Variants in SLX4IP observed in about 807,000 individuals in gnomAD.
SLX4IP encodes protein SLX4IP.
A neutral mutation model predicts 32.9 loss-of-function variants in SLX4IP; 34 were observed. The ratio of observed to expected loss-of-function variants is 1.03; its 90% CI spans 0.79 to 1.38. The LOEUF is 1.38. Among genes scored for constraint, SLX4IP ranks in the 40% most tolerant of loss-of-function variants. The pLI is 0.00. For missense variants in SLX4IP, 444 were observed against 479.0 expected (o/e 0.93, Z 0.68); for synonymous variants, 172 against 171.7 (o/e 1.00, Z -0.01).
intron 2 of SLX4IP, among the ~76,000 whole-genome samples, chr20:10,540,370 C>T (rs1320102470): frequency 1.3e-4 from 20 of 152,074 alleles, no homozygotes. Flanking sequence ...TCCTGAGAAT[C>T]AAGGGTGTGT....
At chr20:10,476,238 C>CT (rs1279568956) in intron 2 of SLX4IP, among the ~76,000 whole-genome samples, 2 of 152,196 alleles carry the variant, frequency 1.3e-5, no homozygotes, top group African/African-American at 4.8e-5. Flanking sequence ...TTCTACTAAA[C>CT]TTTTTTGAAT....
chr20:10,506,272 G>A (rs755330783), intron 2 of SLX4IP, among the ~76,000 whole-genome samples: 3 of 152,200 alleles, frequency 2.0e-5, no homozygotes, highest in Non-Finnish European at 4.4e-5. Context: ...TTTGCATCGC[G>A]ATTATGCTAG....
intron 4 of SLX4IP, among the ~76,000 whole-genome samples, chr20:10,561,056 A>G (rs1362450528): frequency 1.3e-5 from 2 of 152,206 alleles, no homozygotes; most frequent in African/African-American, 4.8e-5. Flanking sequence ...GAAACTGTAA[A>G]TTGTTTAAAG....
chr20:10,461,952 T>TA (rs2065341660), intron 2 of SLX4IP, among the ~76,000 whole-genome samples: 1 of 152,128 alleles, frequency 6.6e-6, no homozygotes, highest in Non-Finnish European at 1.5e-5. Context: ...TAATTTTTTT[T>TA]ATTTTTAAAT....
At chr20:10,522,015 G>A (rs1316972494) in intron 2 of SLX4IP, among the ~76,000 whole-genome samples, 12 of 151,766 alleles carry the variant, frequency 7.9e-5, no homozygotes, top group Admixed American at 7.9e-4. Flanking sequence ...ACATTAGTCA[G>A]CATCACATAG....
chr20:10,536,803 GACCATGGA>G, intron 2 of SLX4IP, among the ~76,000 whole-genome samples: 1 of 152,356 alleles, frequency 6.6e-6, no homozygotes, highest in Non-Finnish European at 1.5e-5. Flanking sequence ...TGTATACTCA[GACCATGGA>G]ACCATGTGAG....
intron 2 of SLX4IP, among the ~76,000 whole-genome samples, chr20:10,504,628 A>G (rs924330877): frequency 3.3e-5 from 5 of 152,148 alleles, no homozygotes; most frequent in Admixed American, 6.5e-5. Flanking sequence ...TCCTTGCAGC[A>G]CAGAAGACCA....
intron 2 of SLX4IP, among the ~76,000 whole-genome samples, chr20:10,475,576 C>T (rs1464211325): frequency 6.6e-6 from 1 of 152,180 alleles, no homozygotes; most frequent in Non-Finnish European, 1.5e-5. Context: ...AAGTGGGATT[C>T]TGGTCTTTGC....
At chr20:10,468,195 T>A (rs1439352349) in intron 2 of SLX4IP, among the ~76,000 whole-genome samples, 1 of 152,186 alleles carries the variant, frequency 6.6e-6, no homozygotes, top group Non-Finnish European at 1.5e-5. Context: ...CCTTCATTCT[T>A]TAGTCACTTA....
intron 6 of SLX4IP, among the ~76,000 whole-genome samples, chr20:10,607,181 G>C (rs936080664): frequency 1.3e-5 from 2 of 152,186 alleles, no homozygotes; most frequent in Admixed American, 1.3e-4. Context: ...AGCTGTGTCT[G>C]CCTCTGCCAC....
intron 2 of SLX4IP, among the ~76,000 whole-genome samples, chr20:10,495,841 G>A (rs2065662767): frequency 1.3e-5 from 2 of 151,650 alleles, no homozygotes; most frequent in African/African-American, 2.4e-5. Context: ...TACTTTTCAA[G>A]CCCTTTCTGT....
chr20:10,570,028 T>C (rs968025928), intron 4 of SLX4IP, among the ~76,000 whole-genome samples: 1 of 152,370 alleles, frequency 6.6e-6, no homozygotes, highest in East Asian at 1.9e-4. Context: ...AAGTATGTTC[T>C]CCGTCTTATT....
In SLX4IP at chr20:10,500,541, A is replaced by G. The variant is rs996666112; in HGVS notation, c.27+42310A>G. ...TGAGGCAGGTGGATCCTTTGAGTCC[A>G]GGAAATTAAGACCAGCCTGGGCAAC... On this transcript the variant is annotated intron_variant, in intron 2 of 7. Transcript: ENST00000334534. Among the ~76,000 whole-genome samples the G allele has an allele frequency of 2.6e-5, 4 of 152,132 alleles. 1 individual carries two copies. Among genetic ancestry groups the G allele is most frequent in the Non-Finnish European group, 5.9e-5 (4 of 68,034 alleles).
intron 2 of SLX4IP, among the ~76,000 whole-genome samples, chr20:10,511,015 C>G (rs1252082669): frequency 6.6e-6 from 1 of 152,210 alleles, no homozygotes; most frequent in East Asian, 1.9e-4. Context: ...TTGTTGGAGA[C>G]AGGGCCGCTT....
At chr20:10,587,529 C>CT (rs1042599641) in intron 4 of SLX4IP, among the ~76,000 whole-genome samples, 2 of 151,992 alleles carry the variant, frequency 1.3e-5, no homozygotes, top group African/African-American at 4.8e-5. Flanking sequence ...AGAAAAGTCC[C>CT]TTTTTTGGTA....
At chr20:10,578,285 C>T (rs2066545153) in intron 4 of SLX4IP, among the ~76,000 whole-genome samples, 1 of 152,226 alleles carries the variant, frequency 6.6e-6, no homozygotes, top group Non-Finnish European at 1.5e-5. Context: ...CTTTCTGTCT[C>T]TATGGATTTG....
chr20:10,501,960 C>T (rs1417361293), intron 2 of SLX4IP, among the ~76,000 whole-genome samples: 1 of 152,080 alleles, frequency 6.6e-6, no homozygotes, highest in South Asian at 2.1e-4. Context: ...GAGAGCACAC[C>T]GTTTGTCTTT....
intron 2 of SLX4IP, among the ~76,000 whole-genome samples, chr20:10,507,009 C>T (rs1358798849): frequency 6.6e-6 from 1 of 152,152 alleles, no homozygotes; most frequent in East Asian, 1.9e-4. Flanking sequence ...CATCACCTCA[C>T]ATTTTGTGTG....
At chr20:10,556,143 C>A in intron 2 of SLX4IP, 88 bp from the exon 3 acceptor site, 1 of 1,228,540 alleles carries the variant, frequency 8.1e-7, no homozygotes, top group South Asian at 1.4e-5. Flanking sequence ...TCATCATGAG[C>A]AACCACATAG....
Sources: allele counts gnomAD v4.1 joint callset (sites outside exome capture counted in the v4.1 genomes callset), GRCh38; gene constraint gnomAD v4.1.1; transcripts MANE v1.5; gene names NCBI Gene and HGNC (gene_info 2026-07-23, HGNC 2026-07-21).